Variants in NUP160 observed in about 807,000 individuals in gnomAD.
NUP160 encodes nuclear pore complex protein Nup160.
NUP160 carries 94 observed loss-of-function variants against 196.9 expected under a neutral mutation model. The ratio of observed to expected loss-of-function variants is 0.48; its 90% CI spans 0.40 to 0.57. NUP160 has a LOEUF of 0.57. Among genes scored for constraint, NUP160 ranks in the 20% least tolerant of loss-of-function variants. The probability of loss-of-function intolerance (pLI) is 0.00; values close to 1 mark genes in which losing one functional copy is unlikely to be tolerated. For missense variants in NUP160, 1,638 were observed against 1,748.3 expected (o/e 0.94, Z 1.13); for synonymous variants, 605 against 619.7 (o/e 0.98, Z 0.35).
intron 17 of NUP160, among the ~76,000 whole-genome samples, chr11:47,811,026 CTG>C (rs1018703190): frequency 2.6e-5 from 4 of 152,022 alleles, no homozygotes; most frequent in Non-Finnish European, 5.9e-5. Context: ...GGATGTCTGA[CTG>C]TGGGGAGAAA....
At chr11:47,796,199 C>A (rs2097670824) in intron 27 of NUP160, 1 of 436,696 alleles carries the variant, frequency 2.3e-6, no homozygotes, top group South Asian at 3.7e-5. Flanking sequence ...GCCCAGACAC[C>A]AGGAAGGTGA....
At chr11:47,784,871 C>A in intron 33 of NUP160, 51 bp downstream of exon 33, 1 of 1,366,964 alleles carries the variant, frequency 7.3e-7, no homozygotes, top group South Asian at 1.5e-5. Flanking sequence ...TGAAGTTATC[C>A]AGAATGATAA....
chr11:47,806,507 A>C, intron 19 of NUP160, 195 bp from the exon 20 acceptor site: 1 of 514,232 alleles, frequency 1.9e-6, no homozygotes, highest in Non-Finnish European at 3.5e-6. Flanking sequence ...AAAATGCAAT[A>C]AAAACACCAT....
intron 7 of NUP160, among the ~76,000 whole-genome samples, chr11:47,829,573 C>T (rs1279041790): frequency 1.8e-4 from 27 of 152,142 alleles, no homozygotes. Flanking sequence ...TCCCAAAGTG[C>T]TAGGATTACA....
At chr11:47,800,530 T>A (rs1003628031) in intron 23 of NUP160, among the ~76,000 whole-genome samples, 4 of 151,848 alleles carry the variant, frequency 2.6e-5, no homozygotes, top group African/African-American at 9.7e-5. Context: ...GTAGCTGGGA[T>A]TACAGGCGCA....
intron 9 of NUP160, among the ~76,000 whole-genome samples, chr11:47,821,081 A>C (rs1203788441): frequency 6.6e-6 from 1 of 152,124 alleles, no homozygotes; most frequent in Non-Finnish European, 1.5e-5. Context: ...TATCCTAAGG[A>C]AGTTGCAGGA....
chr11:47,837,539 A>ACT lies in NUP160; in HGVS notation c.827+4_827+5dup. On this transcript the variant is annotated splice_donor_region_variant and intron_variant, in intron 5 of 35. Coordinates refer to ENST00000378460, the Ensembl canonical transcript of NUP160. ...CCCTTTGATTTACCTGCCAGACACC[A>ACT]CTCACCTGATAGCTGTTGGCATCCA... 1 of 1,612,634 alleles carries ACT rather than the reference A, an allele frequency of 6.2e-7. No homozygotes were observed. The highest frequency in any genetic ancestry group is 8.5e-7 in the Non-Finnish European group (1 of 1,178,816).
chr11:47,807,615 C>T (rs542302351), intron 18 of NUP160, among the ~76,000 whole-genome samples: 4 of 151,612 alleles, frequency 2.6e-5, no homozygotes, highest in South Asian at 2.1e-4. Flanking sequence ...TGCAGTGAGC[C>T]GAGATCGCAC....
intron 32 of NUP160, among the ~76,000 whole-genome samples, chr11:47,786,111 C>T (rs921054333): frequency 3.3e-5 from 5 of 152,082 alleles, no homozygotes. Flanking sequence ...TGAAACCATG[C>T]AGTGACTGCT....
In NUP160 at chr11:47,822,077, A is replaced by C. The variant is rs1459553320; in HGVS notation, c.1179+10T>G. The stretch of plus-strand genomic sequence containing the variant: ...TACTTATGTGATATGCAAAGGATGA[A>C]TCAACCTACCTGAGAAGTGAACAGT... On this transcript the variant is annotated intron_variant, in intron 8 of 35. Coordinates refer to ENST00000378460, the Ensembl canonical transcript of NUP160. The C allele has an allele frequency of 6.3e-7, 1 of 1,577,000 alleles. No homozygotes were observed. The highest frequency in any genetic ancestry group is 1.4e-5 in the African/African-American group (1 of 73,962).
At chr11:47,807,071 A>G in exon 19 of NUP160, 1 of 1,602,448 alleles carries the variant, frequency 6.2e-7, no homozygotes, top group East Asian at 2.2e-5. Context: ...ACTCCTTACC[A>G]AACCTATTTG....
At chr11:47,788,714 T>C in intron 29 of NUP160, 103 bp from the exon 30 acceptor site, 1 of 703,892 alleles carries the variant, frequency 1.4e-6, no homozygotes, top group East Asian at 2.7e-5. Context: ...TAACATTCAA[T>C]CTAATTTCCA....
At chr11:47,798,561 G>A (rs1041186149) in intron 23 of NUP160, 98 bp from the exon 24 acceptor site, 18 of 696,598 alleles carry the variant, frequency 2.6e-5, no homozygotes, top group African/African-American at 9.0e-5. Context: ...TAAGTAGGCC[G>A]GCATGGTGGC....
At chr11:47,811,449 A>C (rs1050212670) in intron 17 of NUP160, among the ~76,000 whole-genome samples, 2 of 149,670 alleles carry the variant, frequency 1.3e-5, no homozygotes, top group African/African-American at 2.5e-5. Context: ...AGGCCACCAC[A>C]CTCCAGCCTG....
chr11:47,838,171 G>A (rs367737378), intron 4 of NUP160, among the ~76,000 whole-genome samples: 2 of 152,162 alleles, frequency 1.3e-5, no homozygotes, highest in African/African-American at 4.8e-5. Flanking sequence ...CCTCAACAAG[G>A]TGACATTGAG....
exon 17 of NUP160, chr11:47,812,131 C>T (rs772549047): frequency 1.2e-6 from 2 of 1,614,132 alleles, no homozygotes; most frequent in South Asian, 2.2e-5. Context: ...GAAACGAGTA[C>T]TGGCGATTTT....
At chr11:47,810,358 C>T (rs1477994393) in intron 17 of NUP160, among the ~76,000 whole-genome samples, 4 of 151,928 alleles carry the variant, frequency 2.6e-5, no homozygotes, top group South Asian at 2.1e-4. Flanking sequence ...GCACCATGCC[C>T]GGCTAATTTT....
chr11:47,784,622 T>C (rs2097663455), intron 33 of NUP160: 1 of 187,058 alleles, frequency 5.3e-6, no homozygotes, highest in Non-Finnish European at 1.1e-5. Flanking sequence ...GTTCTTATGG[T>C]TTTAGCTATG....
At chr11:47,847,044 G>A (rs1852413227) in intron 2 of NUP160, among the ~76,000 whole-genome samples, 1 of 151,916 alleles carries the variant, frequency 6.6e-6, no homozygotes, top group Admixed American at 6.6e-5. Context: ...CTTAAAAATG[G>A]CCTAAGGGTC....
Sources: gnomAD v4.1 joint callset for allele counts (sites outside exome capture counted in the v4.1 genomes callset) on GRCh38, gnomAD v4.1.1 for gene constraint, MANE v1.5 for transcripts, NCBI Gene and HGNC (gene_info 2026-07-23, HGNC 2026-07-21) for gene names.